The following SOX5 variants were observed in gnomAD, a reference collection of about 807,000 sequenced individuals.
The protein encoded by SOX5 is SRY-box transcription factor 5, also known as transcription factor SOX-5.
Under a neutral mutation model 92.0 loss-of-function variants are expected in SOX5, and 9 were observed. The ratio of observed to expected loss-of-function variants is 0.10; its 90% confidence interval spans 0.06 to 0.17. The LOEUF is 0.17. SOX5 is among the 10% of genes least tolerant of loss of function. The pLI, the probability that SOX5 is intolerant of heterozygous loss-of-function variation, is 1.00. For synonymous variants in SOX5, 344 were observed against 336.3 expected (o/e 1.02, Z -0.25); for missense variants, 642 against 944.5 (o/e 0.68, Z 4.20).
intron 4 of SOX5, among the ~76,000 whole-genome samples, chr12:24,122,269 G>A (rs945538459): frequency 2.6e-5 from 4 of 152,146 alleles, no homozygotes; most frequent in Non-Finnish European, 4.4e-5. Flanking sequence ...TGAGGACAAA[G>A]CACAATAAAA....
At chr12:23,944,700 A>G (rs905583775) in intron 1 of SOX5, among the ~76,000 whole-genome samples, 5 of 152,184 alleles carry the variant, frequency 3.3e-5, no homozygotes, top group South Asian at 2.1e-4. Flanking sequence ...CTATCAATCA[A>G]TGAAAGAGAA....
chr12:24,424,786 TTTTC>T (rs920737143), intron 1 of SOX5, among the ~76,000 whole-genome samples: 3 of 147,816 alleles, frequency 2.0e-5, no homozygotes, highest in Admixed American at 1.4e-4. Context: ...ATCTGGGCTC[TTTTC>T]TTTGTGAGTT....
intron 6 of SOX5, among the ~76,000 whole-genome samples, chr12:23,718,477 C>A (rs2092633166): frequency 6.6e-6 from 1 of 152,144 alleles, no homozygotes; most frequent in Non-Finnish European, 1.5e-5. Context: ...AGGGACTTGG[C>A]AGAATTAGAC....
intron 3 of SOX5, chr12:24,227,304 A>C (rs1031791393): frequency 6.6e-6 from 1 of 152,224 alleles, no homozygotes; most frequent in African/African-American, 2.4e-5. Context: ...CCAGGAAGGG[A>C]AGAGGAGAGA....
At chr12:24,053,709 A>C (rs1187265045) in intron 4 of SOX5, among the ~76,000 whole-genome samples, 1 of 152,284 alleles carries the variant, frequency 6.6e-6, no homozygotes, top group East Asian at 1.9e-4. Context: ...AAATTGCTGC[A>C]CCTCATGTCT....
intron 1 of SOX5, among the ~76,000 whole-genome samples, chr12:23,943,892 G>C (rs1944104705): frequency 6.6e-6 from 1 of 151,970 alleles, no homozygotes; most frequent in South Asian, 2.1e-4. Flanking sequence ...TGACAAAAGG[G>C]CATAATGACC....
chr12:24,233,378 A>C (rs887925832), intron 3 of SOX5, among the ~76,000 whole-genome samples: 1 of 152,194 alleles, frequency 6.6e-6, no homozygotes, highest in Non-Finnish European at 1.5e-5. Flanking sequence ...ATAAAGAAAA[A>C]TTTACAAGCA....
At chr12:23,634,567 A>G (rs1157584773) in intron 8 of SOX5, among the ~76,000 whole-genome samples, 1 of 152,190 alleles carries the variant, frequency 6.6e-6, no homozygotes. Flanking sequence ...TATCCGGAAT[A>G]GACTGAGTAG....
chr12:24,106,514 G>T (rs751249488), intron 4 of SOX5, among the ~76,000 whole-genome samples: 2 of 152,230 alleles, frequency 1.3e-5, no homozygotes, highest in Middle Eastern at 3.4e-3. Context: ...AGAGAAGCCA[G>T]GCGTGGTGAC....
At chr12:24,462,067 A>G (rs912613787) in intron 1 of SOX5, among the ~76,000 whole-genome samples, 1 of 152,238 alleles carries the variant, frequency 6.6e-6, no homozygotes, top group African/African-American at 2.4e-5. Flanking sequence ...CACTAACAAC[A>G]GGGATGCATT....
intron 1 of SOX5, among the ~76,000 whole-genome samples, chr12:24,442,497 A>G (rs1940788346): frequency 6.6e-6 from 1 of 152,200 alleles, no homozygotes; most frequent in East Asian, 1.9e-4. Flanking sequence ...AGAGAGAGAG[A>G]TTGTCATAGG....
At chr12:23,805,502 A>G (rs1220856753) in intron 3 of SOX5, among the ~76,000 whole-genome samples, 2 of 152,168 alleles carry the variant, frequency 1.3e-5, no homozygotes, top group Non-Finnish European at 1.5e-5. Flanking sequence ...GGTTAGTACA[A>G]CCTTTCAAAG....
At chr12:24,238,661 A>G (rs1402468727) in intron 3 of SOX5, among the ~76,000 whole-genome samples, 1 of 152,110 alleles carries the variant, frequency 6.6e-6, no homozygotes, top group Non-Finnish European at 1.5e-5. Flanking sequence ...CCGGCCACAG[A>G]GTAGTCTTAC....
At chr12:23,608,722 TA>T (rs2137659870) in intron 8 of SOX5, among the ~76,000 whole-genome samples, 1 of 152,248 alleles carries the variant, frequency 6.6e-6, no homozygotes, top group South Asian at 2.1e-4. Flanking sequence ...AAATTGACCT[TA>T]TAAAGGTACT....
chr12:24,315,058 GA>G (rs1949571494), intron 2 of SOX5, among the ~76,000 whole-genome samples: 1 of 152,142 alleles, frequency 6.6e-6, no homozygotes, highest in African/African-American at 2.4e-5. Flanking sequence ...CTTTAGCAAG[GA>G]ACAAAGTCTT....
intron 7 of SOX5, among the ~76,000 whole-genome samples, chr12:23,653,741 C>T (rs568066292): frequency 1.3e-5 from 2 of 152,122 alleles, no homozygotes; most frequent in Non-Finnish European, 2.9e-5. Context: ...AAGGACTTTG[C>T]CCTCATGACC....
At chr12:24,247,569 T>C (rs1163850326) in intron 3 of SOX5, among the ~76,000 whole-genome samples, 2 of 151,888 alleles carry the variant, frequency 1.3e-5, no homozygotes, top group Non-Finnish European at 2.9e-5. Context: ...TGTACAGGGG[T>C]TGGATAAGCA....
At chr12:24,455,823 C>T (rs1942951855) in intron 1 of SOX5, among the ~76,000 whole-genome samples, 1 of 152,130 alleles carries the variant, frequency 6.6e-6, no homozygotes, top group South Asian at 2.1e-4. Flanking sequence ...CTGCTGATCA[C>T]TCCCAAGCGA....
chr12:24,012,989 A>G (rs1428872695), intron 4 of SOX5, among the ~76,000 whole-genome samples: 2 of 152,164 alleles, frequency 1.3e-5, no homozygotes, highest in African/African-American at 4.8e-5. Flanking sequence ...CATTCCCATG[A>G]AAGATTAATA....
Sources: gnomAD v4.1 joint callset for allele counts (sites outside exome capture counted in the v4.1 genomes callset) on GRCh38, gnomAD v4.1.1 for gene constraint, MANE v1.5 for transcripts, NCBI Gene and HGNC (gene_info 2026-07-23, HGNC 2026-07-21) for gene names.